TMEM168: variants seen among roughly 807,000 people sequenced by gnomAD.
The protein encoded by TMEM168 is transmembrane protein 168.
In TMEM168, 40 loss-of-function variants were observed where a neutral mutation model predicts 53.2. That is an observed-to-expected ratio of 0.75 (90% CI 0.58 to 0.98). The LOEUF (loss-of-function observed/expected upper bound fraction) is 0.98. TMEM168 is among the 50% of genes least tolerant of loss of function. TMEM168 has a pLI of 0.00. For missense variants in TMEM168, 771 were observed against 828.8 expected (o/e 0.93, Z 0.86); for synonymous variants, 282 against 293.0 (o/e 0.96, Z 0.38).
intron 2 of TMEM168, among the ~76,000 whole-genome samples, chr7:112,780,929 T>C (rs1793210417): frequency 1.1e-5 from 1 of 89,916 alleles, no homozygotes; most frequent in Non-Finnish European, 2.0e-5. Flanking sequence ...GTCACACAAA[T>C]ACATGATCCG....
intron 4 of TMEM168, among the ~76,000 whole-genome samples, chr7:112,770,365 C>T (rs975056582): frequency 1.3e-5 from 2 of 151,948 alleles, no homozygotes; most frequent in East Asian, 3.8e-4. Flanking sequence ...CTTTCTCTCT[C>T]TTTTTTTTAA....
At chr7:112,786,837 C>T (rs1323059298) in intron 1 of TMEM168, among the ~76,000 whole-genome samples, 1 of 152,114 alleles carries the variant, frequency 6.6e-6, no homozygotes, top group Non-Finnish European at 1.5e-5. Context: ...TTCCTCTCTT[C>T]AAATCTCTGA....
At position 112,783,770 on chromosome 7, in the gene TMEM168, A is replaced by C; in HGVS notation, c.1056T>G (p.Phe352Leu). 1.9e-6 allele frequency: 3 copies of C among 1,581,368 alleles called. No individual in the cohort carries two copies. The highest frequency in any genetic ancestry group is 2.6e-6 in the Non-Finnish European group (3 of 1,166,678). The change falls in exon 2 of 5, where the codon TTT becomes TTG. Residue 352 changes from phenylalanine to leucine, a missense_variant. Phe to Leu is a conservative substitution (Grantham distance 22). Transcript: ENST00000312814. ...RIMASKGMRH[F>L]CLISEQLVFF... Reference sequence around the variant, plus strand: ...ACACCAACTGCTCTGAAATCAAGCAAAAATGGCGCATCCCTTTGGATGCCA... The same window carrying C: ...ACACCAACTGCTCTGAAATCAAGCACAAATGGCGCATCCCTTTGGATGCCA...
At chr7:112,772,544 T>G (rs980510390) in intron 4 of TMEM168, among the ~76,000 whole-genome samples, 4 of 152,242 alleles carry the variant, frequency 2.6e-5, no homozygotes, top group Non-Finnish European at 5.9e-5. Context: ...TAAGGGAAAC[T>G]GTAAGTCTCA....
chr7:112,783,912 C>A lies in TMEM168; in HGVS notation c.914G>T (p.Trp305Leu). The A allele has an allele frequency of 6.3e-7, 1 of 1,596,714 alleles. No homozygotes were observed. Among genetic ancestry groups the A allele is most frequent in the Admixed American group, 1.8e-5 (1 of 55,316 alleles). ...AAGAAAAATAATATGACAAATCATC[C>A]AGAAAATTCCAAAAATGGAAAAGCC... is the stretch of plus-strand genomic sequence containing the variant. The part of the protein sequence containing the change: ...IPGFSIFGIF[W>L]MICHIIFLLT... Residue 305 changes from tryptophan to leucine, a missense_variant, in exon 2 of 5, where the codon TGG (tryptophan) becomes TTG (leucine). Trp to Leu is a moderately conservative substitution (Grantham distance 61, BLOSUM62 -2). Transcript: ENST00000312814.
At chr7:112,775,611 A>C (rs1041920779) in intron 2 of TMEM168, among the ~76,000 whole-genome samples, 4 of 151,762 alleles carry the variant, frequency 2.6e-5, no homozygotes, top group African/African-American at 4.8e-5. Flanking sequence ...AAAAAAAAAA[A>C]AAACAAAACA....
Position 112,784,167 on chromosome 7 carries a change from G to T in TMEM168, c.659C>A (p.Pro220His), listed in dbSNP as rs1421346870. Reference sequence around the variant, plus strand: ...ACACGCAAAAGCAATCGGATTTTTGGGAGTTTCCAATGAGGAAAAAAATAA... The same window carrying T: ...ACACGCAAAAGCAATCGGATTTTTGTGAGTTTCCAATGAGGAAAAAAATAA... ...VLLFFSSLET[P>H]KNPIAFACFF... The change falls in exon 2 of 5, where the codon CCC becomes CAC. Residue 220 changes from proline to histidine, a missense_variant. Physicochemically the swap from Pro to His is moderately conservative, Grantham distance 77. Transcript: ENST00000312814. The T allele has an allele frequency of 1.9e-6, 3 of 1,613,782 alleles. No individual in the cohort carries two copies. The highest frequency in any genetic ancestry group is 2.5e-6 in the Non-Finnish European group (3 of 1,179,992).
Position 112,763,975 on chromosome 7 carries a change from A to G in TMEM168, c.*3222T>C, listed in dbSNP as rs1479601551. The stretch of plus-strand genomic sequence containing the variant: ...ATGGAAATATAACCCCAAGTTTCCC[A>G]GGGAAGAGTTTAGATCAGAGCAAAC... On this transcript the variant is annotated 3_prime_UTR_variant, in exon 5 of 5. Coordinates refer to ENST00000312814, the MANE Select transcript of TMEM168 (RefSeq NM_022484.6). 4 of 152,080 alleles carry G rather than the reference A, an allele frequency of 2.6e-5. No homozygotes were observed. The highest frequency in any genetic ancestry group is 4.4e-5 in the Non-Finnish European group (3 of 67,974). The allele number at this position is 152,080 out of a possible 1,614,324, so 9.4% of individuals were successfully genotyped here. A position where few individuals can be genotyped will look rare whatever the true frequency, so the allele number is the denominator to read the frequency against.
chr7:112,787,353 TC>T (rs1793410157), intron 1 of TMEM168, among the ~76,000 whole-genome samples: 1 of 150,360 alleles, frequency 6.7e-6, no homozygotes, highest in Admixed American at 6.6e-5. Flanking sequence ...TGGGTACTTT[TC>T]ACTCAGTATC....
At chr7:112,786,237 T>G (rs1053403069) in intron 1 of TMEM168, among the ~76,000 whole-genome samples, 1 of 152,144 alleles carries the variant, frequency 6.6e-6, no homozygotes, top group African/African-American at 2.4e-5. Flanking sequence ...AGTTTTTGAT[T>G]AGTTTATTTG....
chr7:112,769,390 T>G (rs1206325688), intron 4 of TMEM168, among the ~76,000 whole-genome samples: 2 of 152,202 alleles, frequency 1.3e-5, no homozygotes, highest in African/African-American at 4.8e-5. Flanking sequence ...TCAGCTCTAT[T>G]AAATTTCTCT....
chr7:112,780,943 CAAAAAAAAA>C (rs1222902089), intron 2 of TMEM168, among the ~76,000 whole-genome samples: 2 of 60,018 alleles, frequency 3.3e-5, no homozygotes, highest in Non-Finnish European at 6.9e-5. Context: ...TGATCCGTAT[CAAAAAAAAA>C]AAAAAAAAAA....
chr7:112,782,328 A>C (rs1172669760), intron 2 of TMEM168, among the ~76,000 whole-genome samples: 1 of 152,146 alleles, frequency 6.6e-6, no homozygotes, highest in Admixed American at 6.5e-5. Context: ...TCTGAAGACC[A>C]CTAGGTAAGA....
At chr7:112,774,668 C>T (rs1258256186) in intron 3 of TMEM168, among the ~76,000 whole-genome samples, 1 of 151,866 alleles carries the variant, frequency 6.6e-6, no homozygotes, top group Non-Finnish European at 1.5e-5. Flanking sequence ...GCAACCTCCG[C>T]CTCCCAGGTT....
intron 1 of TMEM168, among the ~76,000 whole-genome samples, chr7:112,787,701 A>G (rs1251950363): frequency 8.0e-6 from 1 of 124,368 alleles, no homozygotes; most frequent in East Asian, 2.6e-4. Context: ...GGCGTGAGCC[A>G]CTGCGACTGG....
At position 112,784,198 on chromosome 7, in the gene TMEM168, C is replaced by T. The variant is rs745908765; in HGVS notation, c.628G>A (p.Val210Ile). The T allele has an allele frequency of 1.9e-6, 3 of 1,613,292 alleles. No homozygotes were observed. The Admixed American group carries it at 5.0e-5, about 27-fold the overall frequency. Reference sequence around the variant, plus strand: ...TCCAATGAGGAAAAAAATAACAAAACTGCAAAAATAACTAAGTTTGGAATA... The same window carrying T: ...TCCAATGAGGAAAAAAATAACAAAATTGCAAAAATAACTAAGTTTGGAATA... Reference protein sequence around the residue: ...LAIPNLVIFAVLLFFSSLETP... With the variant: ...LAIPNLVIFAILLFFSSLETP... The change falls in exon 2 of 5, where the codon GTT becomes ATT. Residue 210 changes from valine to isoleucine, a missense_variant. By Grantham distance (29) the Val-to-Ile change is conservative. Transcript: ENST00000312814.
At chr7:112,789,652 C>A (rs1314391102) in intron 1 of TMEM168, among the ~76,000 whole-genome samples, 1 of 152,202 alleles carries the variant, frequency 6.6e-6, no homozygotes, top group Non-Finnish European at 1.5e-5. Context: ...TGAGGCATAC[C>A]GTATCACTTG....
chr7:112,767,267 C>T lies in TMEM168; in HGVS notation c.2024G>A (p.Arg675Lys), dbSNP rs1584432988. Reference sequence around the variant, plus strand: ...AGGAAGAAACCAACTCATTTTTAATCTTTTCAAGCACCTAAAACAAGTTTT... The same window carrying T: ...AGGAAGAAACCAACTCATTTTTAATTTTTTCAAGCACCTAAAACAAGTTTT... ...ICKTCFRCLK[R>K]LKMSWFLPTV... The change falls in exon 5 of 5, where the codon AGA (arginine) becomes AAA (lysine). Residue 675 changes from arginine to lysine, a missense_variant. Coordinates refer to ENST00000312814, the MANE Select transcript of TMEM168 (RefSeq NM_022484.6). 6.2e-7 allele frequency: 1 copy of T among 1,614,126 alleles called. No homozygotes were observed. Among genetic ancestry groups the T allele is most frequent in the African/African-American group, 1.3e-5 (1 of 75,058 alleles).
rs760593835 is a variant in TMEM168, at chr7:112,767,665, G to A, written c.1626C>T (p.Ile542=). 34 of 1,613,794 alleles carry A rather than the reference G, an allele frequency of 2.1e-5. No homozygotes were observed. The highest frequency in any genetic ancestry group is 5.3e-5 in the African/African-American group (4 of 74,844). Residue 542 remains isoleucine (I), a synonymous_variant, in exon 5 of 5, where the codon ATC becomes ATT. Transcript: ENST00000312814. ...GGGTTGAATTTTCGCTGTCTAATACGATAATAAGCCGGGAACAAAAGGAAC... is the reference window on the plus strand; with the variant it reads ...GGGTTGAATTTTCGCTGTCTAATACAATAATAAGCCGGGAACAAAAGGAAC... ...KNGSFCSRLI[I]VLDSENSTPW...
Sources: allele counts gnomAD v4.1 joint callset (sites outside exome capture counted in the v4.1 genomes callset), GRCh38; gene constraint gnomAD v4.1.1; transcripts MANE v1.5; gene names NCBI Gene and HGNC (gene_info 2026-07-23, HGNC 2026-07-21).